Variants in NOS1AP observed in about 807,000 individuals in gnomAD.
NOS1AP encodes the protein carboxyl-terminal PDZ ligand of neuronal nitric oxide synthase protein.
In NOS1AP, 21 loss-of-function variants were observed where a neutral mutation model predicts 56.2. That is an observed-to-expected ratio of 0.37 (90% confidence interval 0.26 to 0.54). The LOEUF (loss-of-function observed/expected upper bound fraction) is 0.54, where lower values mean the gene tolerates loss of function less well. Among genes scored for constraint, NOS1AP ranks in the 20% least tolerant of loss-of-function variants. NOS1AP has a pLI of 0.84. For synonymous variants in NOS1AP, 270 were observed against 274.6 expected (o/e 0.98, Z 0.17); for missense variants, 522 against 657.8 (o/e 0.79, Z 2.26).
chr1:162,190,452 CA>C (rs1240632597), intron 2 of NOS1AP, among the ~76,000 whole-genome samples: 20 of 152,052 alleles, frequency 1.3e-4, no homozygotes, highest in Non-Finnish European at 1.8e-4. Context: ...GTTCTGAACA[CA>C]TTTTTTTAAA....
intron 2 of NOS1AP, among the ~76,000 whole-genome samples, chr1:162,241,809 G>A (rs1156387977): frequency 6.6e-6 from 1 of 152,008 alleles, no homozygotes; most frequent in Non-Finnish European, 1.5e-5. Context: ...CATCAACAAA[G>A]CAGATTCACA....
intron 4 of NOS1AP, among the ~76,000 whole-genome samples, chr1:162,324,515 T>C (rs1273390959): frequency 6.9e-6 from 1 of 145,668 alleles, no homozygotes; most frequent in East Asian, 2.1e-4. Context: ...AAGTGCTGTG[T>C]GGTGGTTTGT....
At chr1:162,318,683 T>A (rs1299184650) in intron 4 of NOS1AP, among the ~76,000 whole-genome samples, 2 of 152,036 alleles carry the variant, frequency 1.3e-5, no homozygotes, top group Non-Finnish European at 2.9e-5. Context: ...ATGTCGTATT[T>A]CCTATGGCTT....
intron 2 of NOS1AP, among the ~76,000 whole-genome samples, chr1:162,161,285 G>A (rs1019246726): frequency 3.3e-5 from 5 of 152,186 alleles, no homozygotes; most frequent in Non-Finnish European, 5.9e-5. Flanking sequence ...TCTTTGGGGG[G>A]CTTTGAGTCT....
chr1:162,120,147 ATATGTATATATCAAAATATACCC>A (rs1255423340), intron 1 of NOS1AP, among the ~76,000 whole-genome samples: 2 of 152,166 alleles, frequency 1.3e-5, no homozygotes, highest in South Asian at 2.1e-4. Flanking sequence ...ATGTGTATAT[ATATGTATATATCAAAATATACCC>A]TTTAGCTGAA....
chr1:162,151,008 A>G (rs538571062), intron 1 of NOS1AP, among the ~76,000 whole-genome samples: 2 of 152,258 alleles, frequency 1.3e-5, no homozygotes, highest in African/African-American at 4.8e-5. Flanking sequence ...GCCTGTGCTC[A>G]TGGGGTATTA....
chr1:162,326,870 C>T (rs1213066245), intron 4 of NOS1AP, among the ~76,000 whole-genome samples: 1 of 152,138 alleles, frequency 6.6e-6, no homozygotes, highest in African/African-American at 2.4e-5. Context: ...TGGCCAGAGA[C>T]TGAAAGAGGG....
At chr1:162,183,826 T>C (rs899738652) in intron 2 of NOS1AP, among the ~76,000 whole-genome samples, 2 of 152,254 alleles carry the variant, frequency 1.3e-5, no homozygotes, top group Non-Finnish European at 2.9e-5. Context: ...TTGATTTGTC[T>C]ATCTAGACTG....
At chr1:162,265,562 C>CT (rs1654396851) in intron 2 of NOS1AP, among the ~76,000 whole-genome samples, 1 of 6,498 alleles carries the variant, frequency 1.5e-4, no homozygotes. Context: ...ATGAACTCAT[C>CT]ATTTTTTTAT....
At chr1:162,198,344 A>T (rs763327451) in intron 2 of NOS1AP, among the ~76,000 whole-genome samples, 1 of 152,182 alleles carries the variant, frequency 6.6e-6, no homozygotes, top group Non-Finnish European at 1.5e-5. Context: ...GGTGATGCTG[A>T]TGTCAGTCTG....
chr1:162,098,059 A>C lies in NOS1AP; in HGVS notation c.105+27777A>C, dbSNP rs148153424. Among the ~76,000 whole-genome samples the C allele has an allele frequency of 8.8e-4, 130 of 146,982 alleles. 6 individuals are homozygous for C. The East Asian group carries it at 0.02, about 23-fold the overall frequency. On this transcript the variant is annotated intron_variant, in intron 1 of 9. Transcript: ENST00000361897. Reference sequence around the variant, plus strand: ...CATTTATTTAGGTCTTCATTAATGAATTTTAATAAGCTTTTATTTATAATA... The same window carrying C: ...CATTTATTTAGGTCTTCATTAATGACTTTTAATAAGCTTTTATTTATAATA...
chr1:162,275,926 T>G (rs1219421876), intron 2 of NOS1AP, among the ~76,000 whole-genome samples: 1 of 151,950 alleles, frequency 6.6e-6, no homozygotes, highest in Non-Finnish European at 1.5e-5. Flanking sequence ...AAGGCAGGAG[T>G]TGGCAAACCA....
intron 1 of NOS1AP, among the ~76,000 whole-genome samples, chr1:162,113,786 T>A (rs79674347): frequency 6.6e-6 from 1 of 152,076 alleles, no homozygotes; most frequent in Non-Finnish European, 1.5e-5. Context: ...TTTGACATAT[T>A]TGGGAGAGGA....
chr1:162,362,933 T>C (rs1407233968), intron 8 of NOS1AP: 2 of 974,738 alleles, frequency 2.1e-6, no homozygotes, highest in East Asian at 1.1e-4. Flanking sequence ...TGAGTGGATA[T>C]AGGAAGAAAC....
At chr1:162,259,821 A>G (rs1044700878) in intron 2 of NOS1AP, among the ~76,000 whole-genome samples, 2 of 152,214 alleles carry the variant, frequency 1.3e-5, no homozygotes, top group Non-Finnish European at 2.9e-5. Flanking sequence ...GGATTGCATT[A>G]TAGAAAGAAA....
intron 1 of NOS1AP, among the ~76,000 whole-genome samples, chr1:162,118,272 G>A (rs1571027172): frequency 6.6e-6 from 1 of 152,200 alleles, no homozygotes; most frequent in East Asian, 1.9e-4. Context: ...CGCATCTAGT[G>A]GTCCCCAGTG....
chr1:162,147,634 A>G (rs1649530658), intron 1 of NOS1AP, among the ~76,000 whole-genome samples: 1 of 152,222 alleles, frequency 6.6e-6, no homozygotes, highest in Admixed American at 6.5e-5. Context: ...ATATTAACTT[A>G]GTACTGAGGC....
At chr1:162,252,625 C>T (rs1557849946) in intron 2 of NOS1AP, among the ~76,000 whole-genome samples, 1 of 152,054 alleles carries the variant, frequency 6.6e-6, no homozygotes, top group Non-Finnish European at 1.5e-5. Context: ...TCTTTAATTA[C>T]CTGCCATCTT....
At chr1:162,260,740 A>G (rs977249569) in intron 2 of NOS1AP, among the ~76,000 whole-genome samples, 12 of 152,038 alleles carry the variant, frequency 7.9e-5, no homozygotes, top group African/African-American at 2.9e-4. Flanking sequence ...CTGCATCTAG[A>G]TCTTGCAGCT....
Sources: gnomAD v4.1 joint callset for allele counts (sites outside exome capture counted in the v4.1 genomes callset) on GRCh38, gnomAD v4.1.1 for gene constraint, MANE v1.5 for transcripts, NCBI Gene and HGNC (gene_info 2026-07-23, HGNC 2026-07-21) for gene names.